Variants in ZNF180 observed in about 807,000 individuals in gnomAD.
ZNF180 encodes zinc finger protein 180, also known as zinc finger protein 180 (HHZ168).
Under a neutral mutation model 11.8 loss-of-function variants are expected in ZNF180, and 11 were observed. The ratio of observed to expected loss-of-function variants is 0.93; its 90% CI spans 0.59 to 1.55. The LOEUF is 1.55. Ranked by LOEUF, ZNF180 falls within the 40% of genes most tolerant of loss-of-function variation. The pLI is 0.00. For synonymous variants in ZNF180, 287 were observed against 257.7 expected, an observed-to-expected ratio of 1.11 and a Z score of -1.09; for missense variants, 773 against 781.7, an observed-to-expected ratio of 0.99 and a Z score of 0.13.
At chr19:44,487,827 AGTGACT>A (rs1970271108) in intron 2 of ZNF180, among the ~76,000 whole-genome samples, 1 of 151,932 alleles carries the variant, frequency 6.6e-6, no homozygotes, top group East Asian at 1.9e-4. Context: ...CCGGGGTTCA[AGTGACT>A]CTCCTGCCTC....
chr19:44,491,783 G>C (rs962377820), intron 2 of ZNF180, among the ~76,000 whole-genome samples: 4 of 152,074 alleles, frequency 2.6e-5, no homozygotes, highest in African/African-American at 9.7e-5. Flanking sequence ...TCACTATGTT[G>C]CTCAGGCTGG....
intron 3 of ZNF180, among the ~76,000 whole-genome samples, chr19:44,481,087 G>A (rs1970067785): frequency 6.6e-6 from 1 of 152,054 alleles, no homozygotes; most frequent in African/African-American, 2.4e-5. Flanking sequence ...AGCAGGAAAG[G>A]GCCTGTTCTT....
Position 44,474,490 on chromosome 19 carries a change from A to T in ZNF180, c.*1912T>A, listed in dbSNP as rs1241763146. ...CTAGGTCTCATCATAGCTCATATAT[A>T]ACACTCAAAACATCATTAAACCATC... On this transcript the variant is annotated 3_prime_UTR_variant, in exon 5 of 5. Coordinates refer to ENST00000592529, the MANE Select transcript of ZNF180 (RefSeq NM_001278509.3). 1.3e-5 allele frequency: 2 copies of T among 152,300 alleles called. No individual in the cohort carries two copies. The highest frequency in any genetic ancestry group is 2.4e-5 in the African/African-American group (1 of 41,554). 9.4% of individuals were successfully genotyped at this position (152,300 alleles called of 1,614,324 possible). A position where few individuals can be genotyped will look rare whatever the true frequency, so the allele number is the denominator to read the frequency against.
rs1376708199 is a variant in ZNF180, at chr19:44,476,127, C to T, written c.*275G>A. ...TCTCTGATTCAGGTCTGAGTGCTTT[C>T]TGCAAGGAAAAGTGCCAGTATTTAT... On this transcript the variant is annotated 3_prime_UTR_variant, in exon 5 of 5. Transcript: ENST00000592529. 6.7e-6 allele frequency: 2 copies of T among 298,672 alleles called. No homozygotes were observed. The highest frequency in any genetic ancestry group is 1.2e-5 in the Non-Finnish European group (2 of 162,488). 18.5% of individuals were successfully genotyped at this position (298,672 alleles called of 1,614,324 possible).
chr19:44,488,989 C>T (rs1194233508), intron 2 of ZNF180, among the ~76,000 whole-genome samples: 5 of 150,454 alleles, frequency 3.3e-5, no homozygotes, highest in African/African-American at 1.2e-4. Flanking sequence ...CCCCTCCGCC[C>T]GGCAGCCACC....
intron 2 of ZNF180, among the ~76,000 whole-genome samples, chr19:44,487,879 A>G (rs542624841): frequency 1.4e-3 from 213 of 152,026 alleles, no homozygotes; most frequent in African/African-American, 4.9e-3. Flanking sequence ...GGCGCACATC[A>G]CCACGCCCAG....
At chr19:44,487,800 C>G (rs532012970) in intron 2 of ZNF180, among the ~76,000 whole-genome samples, 2 of 152,182 alleles carry the variant, frequency 1.3e-5, no homozygotes, top group Non-Finnish European at 2.9e-5. Flanking sequence ...GATCTCAACT[C>G]ACTGCAACCT....
chr19:44,496,026 C>T (rs757883224), intron 2 of ZNF180, among the ~76,000 whole-genome samples: 47 of 152,042 alleles, frequency 3.1e-4, no homozygotes, highest in Non-Finnish European at 1.8e-4. Context: ...AAATTGTTAA[C>T]TTGTTTTTTA....
chr19:44,497,734 G>A (rs1970629271), intron 1 of ZNF180, among the ~76,000 whole-genome samples: 2 of 151,954 alleles, frequency 1.3e-5, no homozygotes, highest in Admixed American at 6.6e-5. Flanking sequence ...ACAAATATCA[G>A]GCATATTGAG....
intron 2 of ZNF180, among the ~76,000 whole-genome samples, chr19:44,492,304 C>T (rs900779406): frequency 2.0e-5 from 3 of 152,204 alleles, no homozygotes; most frequent in African/African-American, 4.8e-5. Context: ...ACTAGAGACA[C>T]GTGCAGAGTT....
chr19:44,486,869 C>G (rs1052836455), intron 2 of ZNF180, among the ~76,000 whole-genome samples: 11 of 152,072 alleles, frequency 7.2e-5, no homozygotes, highest in African/African-American at 2.2e-4. Flanking sequence ...GGCGAAACCC[C>G]ATCTCTACTA....
chr19:44,486,248 C>T (rs73560018), intron 2 of ZNF180, among the ~76,000 whole-genome samples: 4,564 of 152,124 alleles, frequency 0.03, 248 homozygotes, highest in African/African-American at 0.1. Flanking sequence ...TAAATATGCA[C>T]GGAAAAATCT....
At chr19:44,487,805 C>T (rs981788690) in intron 2 of ZNF180, among the ~76,000 whole-genome samples, 3 of 152,192 alleles carry the variant, frequency 2.0e-5, no homozygotes, top group Non-Finnish European at 1.5e-5. Flanking sequence ...CAACTCACTG[C>T]AACCTCCACC....
chr19:44,500,311 G>C lies in ZNF180; in HGVS notation c.-80C>G. The C allele has an allele frequency of 6.3e-7, 1 of 1,594,818 alleles. No individual in the cohort carries two copies. The highest frequency in any genetic ancestry group is 8.6e-7 in the Non-Finnish European group (1 of 1,166,220). The stretch of plus-strand genomic sequence containing the variant: ...CTGGCCCGCAGCCCAGGCTGGGCCT[G>C]TCACCGCCTCAGTGCCTAGCACGGC... On this transcript the variant is annotated 5_prime_UTR_variant, in exon 1 of 5. Coordinates refer to ENST00000592529, the MANE Select transcript of ZNF180 (RefSeq NM_001278509.3).
At chr19:44,487,383 A>C (rs1970256561) in intron 2 of ZNF180, among the ~76,000 whole-genome samples, 1 of 152,250 alleles carries the variant, frequency 6.6e-6, no homozygotes. Flanking sequence ...GAAAGCCAAG[A>C]GGTTGTGTTG....
rs1970721188 is a variant in ZNF180, at chr19:44,500,371, C to T, written c.-140G>A. 8 of 1,169,722 alleles carry T rather than the reference C, an allele frequency of 6.8e-6. No homozygotes were observed. Among genetic ancestry groups the T allele is most frequent in the South Asian group, 1.3e-5 (1 of 78,228 alleles). The allele number at this position is 1,169,722 out of a possible 1,614,324, so 72.5% of individuals were successfully genotyped here. On this transcript the variant is annotated 5_prime_UTR_variant, in exon 1 of 5. Transcript: ENST00000592529. ...GGACGAACTCGGGTTAGGCAACCCC[C>T]TGCCCCGATTCTGCAACACGGCCGA... is the stretch of plus-strand genomic sequence containing the variant.
Position 44,476,923 on chromosome 19 carries a change from G to A in ZNF180, c.1477C>T (p.Pro493Ser), listed in dbSNP as rs1969906756. 6.2e-7 allele frequency: 1 copy of A among 1,614,118 alleles called. No individual in the cohort carries two copies. Among genetic ancestry groups the A allele is most frequent in the East Asian group, 2.2e-5 (1 of 44,868 alleles). The change falls in exon 5 of 5, where the codon CCC becomes TCC. Residue 493 changes from proline (P) to serine (S), a missense_variant. Physicochemically the swap from Pro to Ser is moderately conservative, Grantham distance 74 (BLOSUM62 -1). Transcript: ENST00000592529. ...TTCCCACACTGATTACATTCAAAGGGTTTTTCTCCTGTGTGAGTTCTCTGA... is the reference window on the plus strand; with the variant it reads ...TTCCCACACTGATTACATTCAAAGGATTTTTCTCCTGTGTGAGTTCTCTGA... ...AHQRTHTGEKPFECNQCGKSF... is the reference protein window; with the variant it reads ...AHQRTHTGEKSFECNQCGKSF...
In ZNF180 at chr19:44,495,908, C is replaced by T. The variant is rs1970567201; in HGVS notation, c.51+1376G>A. ...TAGGTGCCCCCTAACACTGCCCCAC[C>T]TCACGGCTTCAAGGCTGACTTGTTC... On this transcript the variant is annotated intron_variant, in intron 2 of 4. Transcript: ENST00000592529. This position sits in a 1 kb window ranked among gnomAD's most constrained non-coding sequence, Gnocchi z 4.5. 6.6e-6 allele frequency among the ~76,000 whole-genome samples: 1 copy of T among 152,228 alleles called. No individual in the cohort carries two copies. Among genetic ancestry groups the T allele is most frequent in the South Asian group, 2.1e-4 (1 of 4,834 alleles).
intron 2 of ZNF180, among the ~76,000 whole-genome samples, chr19:44,488,015 G>A (rs1276232022): frequency 3.9e-5 from 6 of 151,960 alleles, no homozygotes; most frequent in Admixed American, 2.0e-4. Flanking sequence ...GTGAGCCACC[G>A]TGCCCAGACT....
Sources: allele counts gnomAD v4.1 joint callset (sites outside exome capture counted in the v4.1 genomes callset), GRCh38; gene constraint gnomAD v4.1.1; non-coding constraint Gnocchi (gnomAD v3.1); transcripts MANE v1.5; gene names NCBI Gene and HGNC (gene_info 2026-07-23, HGNC 2026-07-21).